Variants in TNFRSF21 observed in about 807,000 individuals in gnomAD.
The protein encoded by TNFRSF21 is tumor necrosis factor receptor superfamily member 21.
A neutral mutation model predicts 45.6 loss-of-function variants in TNFRSF21; 19 were observed. That is an observed-to-expected ratio of 0.42 (90% confidence interval 0.29 to 0.61). TNFRSF21 has a LOEUF of 0.61. TNFRSF21 is among the 20% of genes least tolerant of loss of function. The pLI, the probability that TNFRSF21 is intolerant of heterozygous loss-of-function variation, is 0.23. For missense variants in TNFRSF21, 737 were observed against 851.5 expected, an observed-to-expected ratio of 0.87 and a Z score of 1.67; for synonymous variants, 314 against 335.5, an observed-to-expected ratio of 0.94 and a Z score of 0.70.
chr6:47,264,806 G>A (rs1762309098), intron 3 of TNFRSF21, among the ~76,000 whole-genome samples: 2 of 152,178 alleles, frequency 1.3e-5, no homozygotes. Flanking sequence ...CAGTGGGATG[G>A]GGGCGGGGGT....
In TNFRSF21 at chr6:47,282,287, A is replaced by G. The variant is rs545118409; in HGVS notation, c.1243+1651T>C. 3.2e-3 allele frequency among the ~76,000 whole-genome samples: 477 copies of G among 150,482 alleles called. 2 individuals are homozygous for G. The highest frequency in any genetic ancestry group is 0.011 in the African/African-American group (445 of 40,798). ...GTAATCCCAGCTACTCAGGAGGCTG[A>G]GGCAGGAGAATCGCTTGAACCTGGG... On this transcript the variant is annotated intron_variant, in intron 3 of 5. Coordinates refer to ENST00000296861, the MANE Select transcript of TNFRSF21 (RefSeq NM_014452.5).
rs527895990 is a variant in TNFRSF21 at position 47,259,565 on chromosome 6, G to C, written c.1244-6044C>G. On this transcript the variant is annotated intron_variant, in intron 3 of 5. Transcript: ENST00000296861. Reference sequence around the variant, plus strand: ...AATTTTTGTATTTTTAGTAGAGAAGGGGTTTCATCATGTTGGCCAGACTGG... The same window carrying C: ...AATTTTTGTATTTTTAGTAGAGAAGCGGTTTCATCATGTTGGCCAGACTGG... Among the ~76,000 whole-genome samples the C allele has an allele frequency of 8.5e-5, 13 of 152,216 alleles. No homozygotes were observed. In the South Asian group the frequency reaches 2.7e-3, roughly 32 times the overall value.
intron 1 of TNFRSF21, among the ~76,000 whole-genome samples, chr6:47,297,327 A>T (rs1402324600): frequency 6.6e-6 from 1 of 152,248 alleles, no homozygotes; most frequent in Non-Finnish European, 1.5e-5. Context: ...TGTTTTGAGA[A>T]TTAATTGTTA....
intron 1 of TNFRSF21, among the ~76,000 whole-genome samples, chr6:47,303,335 TG>T (rs1050474702): frequency 2.0e-5 from 3 of 152,232 alleles, no homozygotes; most frequent in African/African-American, 7.2e-5. Context: ...TTTTTATTTT[TG>T]TGTAGCACAA....
At chr6:47,306,464 C>A (rs1762940434) in intron 1 of TNFRSF21, among the ~76,000 whole-genome samples, 1 of 152,124 alleles carries the variant, frequency 6.6e-6, no homozygotes, top group Admixed American at 6.5e-5. Context: ...AGCTGTGTGG[C>A]CTGGGACAAA....
rs139665387 is a variant in TNFRSF21, at chr6:47,283,950, A to T, written c.1231T>A (p.Cys411Ser). ...AGAGAAGGCTCACCATGGCCATTGC[A>T]GTAGTAGATCCATTTCTCCCGGTTC... is the stretch of plus-strand genomic sequence containing the variant. ...TQNREKWIYY[C>S]NGHGIDILKL... The change falls in exon 3 of 6, where the codon TGC (cysteine) becomes AGC (serine). Residue 411 changes from cysteine to serine, a missense_variant. Transcript: ENST00000296861. 1.1e-5 allele frequency: 18 copies of T among 1,613,372 alleles called. No homozygotes were observed. Among genetic ancestry groups the T allele is most frequent in the African/African-American group, 1.1e-4 (8 of 74,852 alleles).
intron 3 of TNFRSF21, among the ~76,000 whole-genome samples, chr6:47,255,564 G>A (rs942122848): frequency 1.6e-4 from 24 of 151,798 alleles, no homozygotes; most frequent in African/African-American, 5.6e-4. Context: ...CGAGTTCAAG[G>A]GATTCTCCTG....
At chr6:47,260,565 T>G (rs1338181325) in intron 3 of TNFRSF21, among the ~76,000 whole-genome samples, 1 of 152,234 alleles carries the variant, frequency 6.6e-6, no homozygotes. Context: ...CCTTCTCTTT[T>G]AATAAAAACC....
intron 3 of TNFRSF21, among the ~76,000 whole-genome samples, chr6:47,258,185 A>G (rs1765016837): frequency 6.6e-6 from 1 of 151,936 alleles, no homozygotes; most frequent in African/African-American, 2.4e-5. Context: ...CCTGGCCAAC[A>G]TAGCGAAACC....
chr6:47,289,825 C>T (rs1195781678), intron 1 of TNFRSF21, among the ~76,000 whole-genome samples: 1 of 152,116 alleles, frequency 6.6e-6, no homozygotes, highest in Non-Finnish European at 1.5e-5. Flanking sequence ...GAAATCCCGT[C>T]TCTACTAAAA....
intron 3 of TNFRSF21, among the ~76,000 whole-genome samples, chr6:47,276,362 C>T (rs1270564434): frequency 4.6e-5 from 7 of 152,212 alleles, no homozygotes; most frequent in Non-Finnish European, 1.0e-4. Context: ...TGATGGTTCT[C>T]CTTTGTTACT....
At chr6:47,288,911 C>T (rs919223180) in intron 1 of TNFRSF21, among the ~76,000 whole-genome samples, 46 of 152,268 alleles carry the variant, frequency 3.0e-4, no homozygotes, top group African/African-American at 1.1e-3. Flanking sequence ...ACCATAGCTA[C>T]GAAAGCATGG....
At chr6:47,274,893 C>A (rs1036947776) in intron 3 of TNFRSF21, among the ~76,000 whole-genome samples, 33 of 152,210 alleles carry the variant, frequency 2.2e-4, no homozygotes, top group Admixed American at 1.6e-3. Context: ...AAAAAATGCT[C>A]ATCATCACTG....
At chr6:47,248,789 TAA>T (rs1401362392) in intron 4 of TNFRSF21, among the ~76,000 whole-genome samples, 1 of 152,234 alleles carries the variant, frequency 6.6e-6, no homozygotes, top group Non-Finnish European at 1.5e-5. Context: ...ATTCAGCATC[TAA>T]AAGACCCATT....
chr6:47,290,137 T>C (rs1050102283), intron 1 of TNFRSF21, among the ~76,000 whole-genome samples: 2 of 152,244 alleles, frequency 1.3e-5, no homozygotes, highest in Admixed American at 6.5e-5. Flanking sequence ...TTTAGACAGC[T>C]ACAGTGTTCT....
Position 47,286,038 on chromosome 6 carries a change from G to A in TNFRSF21, c.654C>T (p.Ser218=), listed in dbSNP as rs1431416962. The A allele has an allele frequency of 7.4e-6, 12 of 1,614,100 alleles. No individual in the cohort carries two copies. The African/African-American group carries it at 1.6e-4, about 22-fold the overall frequency. The part of the protein sequence containing the change: ...DNVCGTLPSF[S]SSTSPSPGTA... ...TGCCAGGGGAAGGTGAGGTGGAGCT[G>A]GAGAAGGACGGGAGTGTGCCACAGA... is the stretch of plus-strand genomic sequence containing the variant. The change falls in exon 2 of 6, where the codon TCC becomes TCT. Residue 218 remains serine, a synonymous_variant. Coordinates refer to ENST00000296861, the MANE Select transcript of TNFRSF21 (RefSeq NM_014452.5).
chr6:47,286,159 T>A lies in TNFRSF21; in HGVS notation c.533A>T (p.Asp178Val), dbSNP rs527253032. 14 of 1,614,184 alleles carry A rather than the reference T, an allele frequency of 8.7e-6. No homozygotes were observed. The South Asian group carries it at 1.5e-4, about 18-fold the overall frequency. Residue 178 changes from aspartate (D) to valine (V), a missense_variant, in exon 2 of 6, where the codon GAT (aspartate) becomes GTT (valine). Coordinates refer to ENST00000296861, the MANE Select transcript of TNFRSF21 (RefSeq NM_014452.5). ...CKQCARGTFS[D>V]VPSSVMKCKA... ...GCATTTCATCACACTAGAAGGCACA[T>A]CTGAGAAGGTACCCCGAGCACACTG...
intron 1 of TNFRSF21, among the ~76,000 whole-genome samples, chr6:47,299,362 G>C (rs1762835872): frequency 6.6e-6 from 1 of 151,962 alleles, no homozygotes; most frequent in Admixed American, 6.6e-5. Flanking sequence ...AGGCAGGGTG[G>C]TGCACGCTGT....
intron 4 of TNFRSF21, among the ~76,000 whole-genome samples, chr6:47,248,096 G>A (rs1281518200): frequency 6.6e-6 from 1 of 152,090 alleles, no homozygotes; most frequent in Non-Finnish European, 1.5e-5. Flanking sequence ...AATTGTTGTG[G>A]TTGTTTTTAA....
Sources: gnomAD v4.1 joint callset for allele counts (sites outside exome capture counted in the v4.1 genomes callset) on GRCh38, gnomAD v4.1.1 for gene constraint, MANE v1.5 for transcripts, NCBI Gene and HGNC (gene_info 2026-07-23, HGNC 2026-07-21) for gene names.